KDM4C: variants seen among roughly 807,000 people sequenced by gnomAD.
KDM4C encodes lysine-specific demethylase 4C.
In KDM4C, 81 loss-of-function variants were observed where a neutral mutation model predicts 129.3. That is an observed-to-expected ratio of 0.63 (90% CI 0.52 to 0.75). The LOEUF is 0.75. Ranked by LOEUF, KDM4C falls within the 30% of genes least tolerant of loss-of-function variation. The pLI, the probability that KDM4C is intolerant of heterozygous loss-of-function variation, is 0.00. For synonymous variants in KDM4C, 573 were observed against 456.1 expected (o/e 1.26, Z -3.26); for missense variants, 1,457 against 1,304.0 (o/e 1.12, Z -1.81).
At chr9:6,906,952 C>CT (rs1220660592) in intron 8 of KDM4C, among the ~76,000 whole-genome samples, 1 of 152,276 alleles carries the variant, frequency 6.6e-6, no homozygotes, top group Non-Finnish European at 1.5e-5. Flanking sequence ...TGGGAACAAT[C>CT]TAAGATTTAT....
At chr9:6,743,187 C>T (rs113766226) in intron 1 of KDM4C, among the ~76,000 whole-genome samples, 2,038 of 152,250 alleles carry the variant, frequency 0.013, 55 homozygotes, top group African/African-American at 0.046. Context: ...GGTAATCAAT[C>T]AATCCTCTTG....
chr9:6,938,297 C>G (rs567562802), intron 8 of KDM4C, among the ~76,000 whole-genome samples: 116 of 152,004 alleles, frequency 7.6e-4, no homozygotes, highest in African/African-American at 2.8e-3. Flanking sequence ...ACACTTATTC[C>G]CATGGTATAA....
At chr9:7,172,999 A>G (rs142034533) in intron 21 of KDM4C, among the ~76,000 whole-genome samples, 1 of 152,380 alleles carries the variant, frequency 6.6e-6, no homozygotes, top group East Asian at 1.9e-4. Flanking sequence ...TTATCACAGA[A>G]AAAGCCACAT....
In KDM4C at chr9:7,029,053, A is replaced by G. The variant is rs1423257564; in HGVS notation, c.2259+13124A>G. On this transcript the variant is annotated intron_variant, in intron 15 of 21. Coordinates refer to ENST00000381309, the MANE Select transcript of KDM4C (RefSeq NM_015061.6). ...CTTATGAAGGTACTTTTTTATACAG[A>G]TGGTTGTTAAATTTGGTGTTCCTCC... Among the ~76,000 whole-genome samples, 4 of 152,010 alleles carry G rather than the reference A, an allele frequency of 2.6e-5. No individual in the cohort carries two copies. The South Asian group carries it at 6.2e-4, about 24-fold the overall frequency.
Position 6,851,569 on chromosome 9 carries a change from A to T in KDM4C, c.629+1869A>T, listed in dbSNP as rs115863511. ...TAAAATCTAGTATGTAGGCAACTAC[A>T]TACTATGTCTTGCTTAAGAAATCTG... On this transcript the variant is annotated intron_variant, in intron 5 of 21. Transcript: ENST00000381309. 6.2e-3 allele frequency among the ~76,000 whole-genome samples: 944 copies of T among 152,298 alleles called. 10 individuals carry two copies. Among genetic ancestry groups the T allele is most frequent in the African/African-American group, 0.021 (869 of 41,548 alleles).
At chr9:6,842,436 G>A (rs545863949) in intron 4 of KDM4C, among the ~76,000 whole-genome samples, 42 of 149,278 alleles carry the variant, frequency 2.8e-4, no homozygotes, top group Non-Finnish European at 4.4e-4. Context: ...CTGGGTTCAC[G>A]TGATTCTCTT....
At chr9:6,864,415 T>C (rs1588789664) in intron 5 of KDM4C, among the ~76,000 whole-genome samples, 1 of 152,236 alleles carries the variant, frequency 6.6e-6, no homozygotes, top group South Asian at 2.1e-4. Context: ...TTCTTTTCTC[T>C]TCCTGTTTTT....
chr9:7,060,215 G>GT lies in KDM4C; in HGVS notation c.2424+11028dup, dbSNP rs938638436. Among the ~76,000 whole-genome samples the GT allele has an allele frequency of 3.4e-3, 487 of 143,434 alleles. 2 individuals carry two copies. The highest frequency in any genetic ancestry group is 0.018 in the Middle Eastern group (5 of 272). 94.1% of individuals were successfully genotyped at this position (143,434 alleles called of 152,430 possible). ...GTTCCTTATTTTATGTCATTGTCAT[G>GT]TTTTTTTTTTTTTCTTCTTCTTACT... On this transcript the variant is annotated intron_variant, in intron 17 of 21. Transcript: ENST00000381309.
At chr9:6,896,766 G>T (rs1816525955) in intron 8 of KDM4C, among the ~76,000 whole-genome samples, 1 of 152,046 alleles carries the variant, frequency 6.6e-6, no homozygotes, top group African/African-American at 2.4e-5. Flanking sequence ...ATGTTTCTAT[G>T]AATTCATCAC....
At chr9:6,979,857 G>A (rs906350908) in intron 8 of KDM4C, among the ~76,000 whole-genome samples, 2 of 152,144 alleles carry the variant, frequency 1.3e-5, no homozygotes, top group East Asian at 1.9e-4. Context: ...TGTGGACTAT[G>A]TATGTAGGAG....
chr9:7,012,862 G>A (rs1206799553), intron 13 of KDM4C, among the ~76,000 whole-genome samples: 1 of 152,134 alleles, frequency 6.6e-6, no homozygotes, highest in Non-Finnish European at 1.5e-5. Context: ...TTTTATTCAA[G>A]ATTATGTCTG....
At chr9:6,772,193 A>T (rs1399623763) in intron 1 of KDM4C, among the ~76,000 whole-genome samples, 1 of 152,016 alleles carries the variant, frequency 6.6e-6, no homozygotes, top group Non-Finnish European at 1.5e-5. Context: ...TCTGTTGCCC[A>T]GGCTGGAGTG....
At chr9:6,874,931 T>TAA (rs34854547) in intron 5 of KDM4C, among the ~76,000 whole-genome samples, 50 of 133,056 alleles carry the variant, frequency 3.8e-4, no homozygotes, top group Middle Eastern at 3.9e-3. Flanking sequence ...TCTCTACAGT[T>TAA]AAAAAAAAAA....
At chr9:6,873,518 A>G (rs1843086199) in intron 5 of KDM4C, among the ~76,000 whole-genome samples, 1 of 152,206 alleles carries the variant, frequency 6.6e-6, no homozygotes, top group South Asian at 2.1e-4. Context: ...CTTCTCTCTT[A>G]TGGATACAAT....
chr9:6,927,125 ATC>A (rs1563826837), intron 8 of KDM4C, among the ~76,000 whole-genome samples: 4 of 151,050 alleles, frequency 2.6e-5, no homozygotes, highest in African/African-American at 9.7e-5. Context: ...CTATCTATCT[ATC>A]TATCTATCTA....
chr9:7,160,609 G>A (rs1475502043), intron 19 of KDM4C, among the ~76,000 whole-genome samples: 1 of 152,202 alleles, frequency 6.6e-6, no homozygotes, highest in African/African-American at 2.4e-5. Context: ...GTCTGTTGGA[G>A]TTTGCTGGAG....
At chr9:6,727,325 C>T (rs1484440110) in intron 1 of KDM4C, 1 of 151,622 alleles carries the variant, frequency 6.6e-6, no homozygotes, top group Admixed American at 6.6e-5. Flanking sequence ...GTGGTGGGCT[C>T]CTGTAATCCC....
Position 6,987,718 on chromosome 9 carries a change from G to A in KDM4C, c.1677+1052G>A, listed in dbSNP as rs550737100. 2.6e-5 allele frequency among the ~76,000 whole-genome samples: 4 copies of A among 152,244 alleles called. No individual in the cohort carries two copies. In the East Asian group the frequency reaches 7.7e-4, roughly 29 times the overall value. On this transcript the variant is annotated intron_variant, in intron 11 of 21. Transcript: ENST00000381309. ...TATACTTTTCTGATTTGACCCAATA[G>A]TGTTTATCTTTTTATGTAGAATTGT...
intron 17 of KDM4C, among the ~76,000 whole-genome samples, chr9:7,089,573 A>G (rs187975959): frequency 3.3e-4 from 50 of 152,366 alleles, no homozygotes; most frequent in African/African-American, 1.1e-3. Context: ...CTCACATGAC[A>G]CAATACTCTT....
Sources: allele counts gnomAD v4.1 joint callset (sites outside exome capture counted in the v4.1 genomes callset), GRCh38; gene constraint gnomAD v4.1.1; transcripts MANE v1.5; gene names NCBI Gene and HGNC (gene_info 2026-07-23, HGNC 2026-07-21).